MYO5B: variants seen among roughly 807,000 people sequenced by gnomAD.
MYO5B encodes unconventional myosin-Vb.
In MYO5B, 143 loss-of-function variants were observed where a neutral mutation model predicts 229.3. That is an observed-to-expected ratio of 0.62 (90% CI 0.54 to 0.72). The LOEUF (loss-of-function observed/expected upper bound fraction) is 0.72. Among genes scored for constraint, MYO5B ranks in the 30% least tolerant of loss-of-function variants. MYO5B has a pLI of 0.00. For synonymous variants in MYO5B, 918 were observed against 885.2 expected (o/e 1.04, Z -0.66); for missense variants, 2,321 against 2,331.0 (o/e 1.00, Z 0.09).
intron 4 of MYO5B, among the ~76,000 whole-genome samples, chr18:50,025,330 A>T (rs1305680240): frequency 6.6e-6 from 1 of 152,164 alleles, no homozygotes; most frequent in East Asian, 1.9e-4. Flanking sequence ...CAAAGAACGC[A>T]GTTTCCACAT....
chr18:50,056,815 G>C (rs1272072694), intron 1 of MYO5B, among the ~76,000 whole-genome samples: 1 of 151,120 alleles, frequency 6.6e-6, no homozygotes, highest in Non-Finnish European at 1.5e-5. Context: ...ATATACTATG[G>C]AACAGTGAAA....
intron 26 of MYO5B, among the ~76,000 whole-genome samples, chr18:49,874,943 T>C (rs1390309776): frequency 6.6e-6 from 1 of 152,232 alleles, no homozygotes; most frequent in Non-Finnish European, 1.5e-5. Flanking sequence ...ACCAATGTTA[T>C]TTTTTACTTT....
intron 2 of MYO5B, among the ~76,000 whole-genome samples, chr18:50,042,665 A>G (rs2030055600): frequency 6.6e-6 from 1 of 151,928 alleles, no homozygotes. Flanking sequence ...TCCTGGTATT[A>G]GCAGGATTCT....
At chr18:49,995,556 T>G (rs958158963) in intron 5 of MYO5B, among the ~76,000 whole-genome samples, 1 of 152,124 alleles carries the variant, frequency 6.6e-6, no homozygotes, top group Non-Finnish European at 1.5e-5. Context: ...TATCTTTTTA[T>G]GTAAAAGCAG....
rs191274211 is a variant in MYO5B, at chr18:50,141,134, A to G, written c.27+53633T>C. 1.6e-4 allele frequency among the ~76,000 whole-genome samples: 24 copies of G among 152,266 alleles called. 1 individual carries two copies. The highest frequency in any genetic ancestry group is 1.5e-3 in the Admixed American group (23 of 15,296). On this transcript the variant is annotated intron_variant, in intron 1 of 39. Coordinates refer to ENST00000285039, the MANE Select transcript of MYO5B (RefSeq NM_001080467.3). ...GTAGGAGGCAGGACTCAGACACTGG[A>G]CAATACTGAGGACTAGCTAAAAAAG...
chr18:50,076,432 C>A (rs1326185450), intron 1 of MYO5B, among the ~76,000 whole-genome samples: 1 of 152,124 alleles, frequency 6.6e-6, no homozygotes, highest in East Asian at 1.9e-4. Flanking sequence ...GAAGGAAAGG[C>A]GTGGCAGGAG....
chr18:49,971,236 A>C (rs1171470393), intron 10 of MYO5B, among the ~76,000 whole-genome samples: 4 of 152,232 alleles, frequency 2.6e-5, no homozygotes, highest in Non-Finnish European at 5.9e-5. Context: ...ATGAGTTTGA[A>C]CTGGGAAGGA....
intron 1 of MYO5B, among the ~76,000 whole-genome samples, chr18:50,152,529 G>C (rs995718321): frequency 6.6e-6 from 1 of 152,150 alleles, no homozygotes. Flanking sequence ...GGTACCAGAA[G>C]AGAGTTTGAA....
intron 17 of MYO5B, among the ~76,000 whole-genome samples, chr18:49,914,278 C>T (rs995966714): frequency 3.9e-5 from 6 of 152,166 alleles, no homozygotes; most frequent in Non-Finnish European, 8.8e-5. Flanking sequence ...CTCCCCATTC[C>T]ATAAGGGGTT....
intron 27 of MYO5B, among the ~76,000 whole-genome samples, chr18:49,868,430 C>T (rs2024421618): frequency 6.6e-6 from 1 of 152,192 alleles, no homozygotes; most frequent in Non-Finnish European, 1.5e-5. Flanking sequence ...GTTTAAGTGC[C>T]AAGCTGGACT....
intron 16 of MYO5B, among the ~76,000 whole-genome samples, chr18:49,932,422 C>A (rs550842800): frequency 6.6e-6 from 1 of 152,182 alleles, no homozygotes; most frequent in African/African-American, 2.4e-5. Flanking sequence ...GTTCCCTCTT[C>A]GTGACCAGCT....
At chr18:50,000,941 C>T (rs1414293536) in intron 5 of MYO5B, among the ~76,000 whole-genome samples, 1 of 152,130 alleles carries the variant, frequency 6.6e-6, no homozygotes, top group Non-Finnish European at 1.5e-5. Context: ...ATTTCTGACA[C>T]GTGATGTCAG....
intron 16 of MYO5B, among the ~76,000 whole-genome samples, chr18:49,930,769 G>A (rs1450235918): frequency 6.6e-6 from 1 of 152,040 alleles, no homozygotes; most frequent in Non-Finnish European, 1.5e-5. Flanking sequence ...GTGGGTGCCT[G>A]TAGTCCCAGC....
Position 49,953,440 on chromosome 18 carries a change from CTG to C in MYO5B, c.1669-99_1669-98del. 3.8e-6 allele frequency: 4 copies of C among 1,064,026 alleles called. No homozygotes were observed. The Admixed American group carries it at 7.2e-5, about 19-fold the overall frequency. The allele number at this position is 1,064,026 out of a possible 1,614,324, so 65.9% of individuals were successfully genotyped here. On this transcript the variant is annotated intron_variant, in intron 13 of 39. Transcript: ENST00000285039. ...TCCAGGTAGCATTTTCTGAAAAGAGCTGTGAGTAGATAGGAAACCCACAGATG... is the reference window on the plus strand; with the variant it reads ...TCCAGGTAGCATTTTCTGAAAAGAGCTGAGTAGATAGGAAACCCACAGATG...
At chr18:49,948,400 C>T (rs181990800) in intron 14 of MYO5B, among the ~76,000 whole-genome samples, 58 of 130,754 alleles carry the variant, frequency 4.4e-4, no homozygotes, top group African/African-American at 1.4e-3. Context: ...AGTCTCAGTA[C>T]TTCATTTTTT....
At chr18:49,924,579 T>C (rs1466771518) in intron 17 of MYO5B, among the ~76,000 whole-genome samples, 8 of 152,234 alleles carry the variant, frequency 5.3e-5, no homozygotes, top group African/African-American at 1.4e-4. Context: ...TTGCACTGTC[T>C]CAGGTTTGGA....
Position 49,929,089 on chromosome 18 carries a change from C to T in MYO5B, c.2090+423G>A, listed in dbSNP as rs185838414. ...AAGAACTTATTCATGTAACCAAACA[C>T]CACTTGTTCCCCCAAAAAACCTACT... is the stretch of plus-strand genomic sequence containing the variant. On this transcript the variant is annotated intron_variant, in intron 17 of 39. Coordinates refer to ENST00000285039, the MANE Select transcript of MYO5B (RefSeq NM_001080467.3). 1.4e-3 allele frequency among the ~76,000 whole-genome samples: 208 copies of T among 152,168 alleles called. 1 individual carries two copies. The highest frequency in any genetic ancestry group is 1.9e-3 in the South Asian group (9 of 4,810).
intron 14 of MYO5B, among the ~76,000 whole-genome samples, chr18:49,937,904 C>A (rs1259040792): frequency 6.6e-6 from 1 of 152,104 alleles, no homozygotes; most frequent in Non-Finnish European, 1.5e-5. Flanking sequence ...TAAAAATATT[C>A]CCAGACTTTT....
At chr18:50,010,928 T>C (rs539416805) in intron 4 of MYO5B, among the ~76,000 whole-genome samples, 11 of 152,222 alleles carry the variant, frequency 7.2e-5, no homozygotes, top group Admixed American at 7.2e-4. Context: ...GAGTCCCTCA[T>C]TCCAAAACCC....
Sources: allele counts gnomAD v4.1 joint callset (sites outside exome capture counted in the v4.1 genomes callset), GRCh38; gene constraint gnomAD v4.1.1; transcripts MANE v1.5; gene names NCBI Gene and HGNC (gene_info 2026-07-23, HGNC 2026-07-21).